FLNB: variants seen among roughly 807,000 people sequenced by gnomAD.
FLNB encodes the protein filamin B, also known as filamin-B.
A neutral mutation model predicts 250.6 loss-of-function variants in FLNB; 111 were observed. That is an observed-to-expected ratio of 0.44 (90% CI 0.38 to 0.52). FLNB has a LOEUF of 0.52. Among genes scored for constraint, FLNB ranks in the 20% least tolerant of loss-of-function variants. The pLI is 0.00. For synonymous variants in FLNB, 1,302 were observed against 1,372.1 expected (o/e 0.95, Z 1.13); for missense variants, 2,869 against 3,447.8 (o/e 0.83, Z 4.20).
At chr3:58,093,777 C>T (rs2097232658) in intron 4 of FLNB, among the ~76,000 whole-genome samples, 1 of 151,990 alleles carries the variant, frequency 6.6e-6, no homozygotes, top group Non-Finnish European at 1.5e-5. Flanking sequence ...GGAATATTAG[C>T]TACTCAGCAA....
At chr3:58,015,828 A>G (rs1034101752) in intron 1 of FLNB, among the ~76,000 whole-genome samples, 1 of 152,170 alleles carries the variant, frequency 6.6e-6, no homozygotes, top group Non-Finnish European at 1.5e-5. Context: ...TAGGCTGGGT[A>G]TGGGTAATCT....
rs1456390432 is a variant in FLNB at position 58,109,582 on chromosome 3, A to G, written c.2206A>G (p.Ile736Val). The G allele has an allele frequency of 6.2e-7, 1 of 1,614,226 alleles. No individual in the cohort carries two copies. ...NIPHSPYRVNIGQGSHPQKVK... is the reference protein window; with the variant it reads ...NIPHSPYRVNVGQGSHPQKVK... ...TTCTCCATGTCTTCTCTAGGTCAACATCGGGCAAGGTAGCCATCCTCAGAA... is the reference window on the plus strand; with the variant it reads ...TTCTCCATGTCTTCTCTAGGTCAACGTCGGGCAAGGTAGCCATCCTCAGAA... Residue 736 changes from isoleucine to valine, a missense_variant, in exon 15 of 46, where the codon ATC becomes GTC. This residue lies in a region of FLNB where 1,348 missense variants were observed against 1,466.7 expected (regional missense o/e 0.92). Coordinates refer to ENST00000295956, the MANE Select transcript of FLNB (RefSeq NM_001457.4).
rs1410932820 is a variant in FLNB, at chr3:58,109,600, C to T, written c.2224C>T (p.Pro742Ser). Reference sequence around the variant, plus strand: ...GGTCAACATCGGGCAAGGTAGCCATCCTCAGAAGGTCAAAGTGTTTGGGCC... The same window carrying T: ...GGTCAACATCGGGCAAGGTAGCCATTCTCAGAAGGTCAAAGTGTTTGGGCC... Reference protein sequence around the residue: ...YRVNIGQGSHPQKVKVFGPGV... With the variant: ...YRVNIGQGSHSQKVKVFGPGV... Residue 742 changes from proline to serine, a missense_variant, in exon 15 of 46, where the codon CCT becomes TCT. Physicochemically the swap from Pro to Ser is moderately conservative, Grantham distance 74 (BLOSUM62 -1). Around this residue, in one of 5 missense-constraint regions of FLNB, gnomAD observed 1,348 missense variants for 1,466.7 expected, o/e 0.92. Transcript: ENST00000295956. 1 of 1,614,192 alleles carries T rather than the reference C, an allele frequency of 6.2e-7. No homozygotes were observed. Among genetic ancestry groups the T allele is most frequent in the South Asian group, 1.1e-5 (1 of 91,078 alleles).
chr3:58,077,968 T>TA lies in FLNB; in HGVS notation c.541+684dup, dbSNP rs564501780. On this transcript the variant is annotated intron_variant, in intron 2 of 45. Coordinates refer to ENST00000295956, the MANE Select transcript of FLNB (RefSeq NM_001457.4). ...ACACACCCCCTAAAGTTGATTTTAATAAAAAAAAAAGGTATTAATCATATT... is the reference window on the plus strand; with the variant it reads ...ACACACCCCCTAAAGTTGATTTTAATAAAAAAAAAAAGGTATTAATCATATT... Among the ~76,000 whole-genome samples, 1,387 of 147,602 alleles carry TA rather than the reference T, an allele frequency of 9.4e-3. 12 individuals are homozygous for TA. The highest frequency in any genetic ancestry group is 0.015 in the Non-Finnish European group (989 of 66,444).
chr3:58,060,769 C>CAAAAAAAAAAAAAAAA (rs71091334), intron 1 of FLNB, among the ~76,000 whole-genome samples: 3 of 64,210 alleles, frequency 4.7e-5, no homozygotes, highest in East Asian at 4.8e-4. Flanking sequence ...GACCTTGTCT[C>CAAAAAAAAAAAAAAAA]AAAAAAAAAA....
chr3:58,018,558 C>T (rs1167941551), intron 1 of FLNB, among the ~76,000 whole-genome samples: 4 of 151,756 alleles, frequency 2.6e-5, no homozygotes, highest in Non-Finnish European at 4.4e-5. Context: ...CTCTGTCACC[C>T]AGGCTGGAGT....
chr3:58,152,999 A>G (rs774903431), intron 38 of FLNB: 19 of 349,908 alleles, frequency 5.4e-5, no homozygotes, highest in Non-Finnish European at 8.3e-5. Flanking sequence ...TGGGACTTAC[A>G]TATGTTCACC....
intron 11 of FLNB, among the ~76,000 whole-genome samples, chr3:58,106,352 CTATATATATATATA>C (rs10540627): frequency 7.5e-6 from 1 of 132,988 alleles, no homozygotes; most frequent in African/African-American, 2.7e-5. Flanking sequence ...GTATTTAATA[CTATATATATATATA>C]TATATATATA....
chr3:58,038,149 C>T (rs1481746824), intron 1 of FLNB, among the ~76,000 whole-genome samples: 1 of 152,056 alleles, frequency 6.6e-6, no homozygotes, highest in Non-Finnish European at 1.5e-5. Context: ...CCTGCCTCAG[C>T]CTCCCGAGTA....
intron 6 of FLNB, among the ~76,000 whole-genome samples, chr3:58,096,982 G>A (rs9834312): frequency 0.43 from 64,731 of 152,020 alleles, 15,323 homozygotes; most frequent in East Asian, 0.92. Flanking sequence ...TGTCTTGGCA[G>A]CCTTTCGAGT....
At chr3:58,166,758 G>A (rs1465504447) in intron 43 of FLNB, among the ~76,000 whole-genome samples, 9 of 152,052 alleles carry the variant, frequency 5.9e-5, no homozygotes, top group African/African-American at 2.2e-4. Flanking sequence ...GAAGATTGAC[G>A]CTGTGGTGAG....
chr3:58,145,437 G>A (rs1291309060), intron 32 of FLNB, among the ~76,000 whole-genome samples: 3 of 152,170 alleles, frequency 2.0e-5, no homozygotes, highest in Admixed American at 2.0e-4. Flanking sequence ...GTCTTTTCCT[G>A]ATGTGCACCC....
intron 26 of FLNB, 73 bp from the exon 27 acceptor site, chr3:58,134,543 T>C: frequency 6.4e-7 from 1 of 1,562,294 alleles, no homozygotes; most frequent in Non-Finnish European, 8.8e-7. Flanking sequence ...CTCTTATGTG[T>C]AAGAAAAGTC....
At chr3:58,048,315 A>T (rs963263521) in intron 1 of FLNB, among the ~76,000 whole-genome samples, 1 of 151,874 alleles carries the variant, frequency 6.6e-6, no homozygotes, top group Non-Finnish European at 1.5e-5. Context: ...TGTGCTTGGG[A>T]GGGTCTTGGT....
intron 1 of FLNB, among the ~76,000 whole-genome samples, chr3:58,023,607 G>T (rs765238498): frequency 2.8e-4 from 43 of 152,148 alleles, no homozygotes; most frequent in Non-Finnish European, 5.6e-4. Flanking sequence ...AGTGACTGTG[G>T]ACTGGAAATG....
chr3:58,011,211 C>A (rs1471248626), intron 1 of FLNB, among the ~76,000 whole-genome samples: 1 of 152,132 alleles, frequency 6.6e-6, no homozygotes, highest in Non-Finnish European at 1.5e-5. Context: ...CGCGCCCAGC[C>A]CGGTCCTCCT....
chr3:58,030,083 C>G (rs187074359), intron 1 of FLNB, among the ~76,000 whole-genome samples: 1 of 152,068 alleles, frequency 6.6e-6, no homozygotes, highest in African/African-American at 2.4e-5. Context: ...TGGTAGTAAG[C>G]GAGGCAAAGG....
intron 21 of FLNB, 83 bp from the exon 22 acceptor site, chr3:58,124,249 G>A (rs2097293956): frequency 1.4e-6 from 2 of 1,430,120 alleles, no homozygotes; most frequent in Admixed American, 3.4e-5. Flanking sequence ...CATGTGTCCT[G>A]AAGTGCCAAG....
intron 39 of FLNB, chr3:58,154,553 A>C (rs2097350419): frequency 2.1e-6 from 1 of 474,130 alleles, no homozygotes; most frequent in Non-Finnish European, 3.8e-6. Context: ...TCAAAAAAAA[A>C]AAAAAAAAGA....
Sources: gnomAD v4.1 joint callset for allele counts (sites outside exome capture counted in the v4.1 genomes callset) on GRCh38, gnomAD v4.1.1 for gene constraint, gnomAD v4.1.1 regional missense constraint, MANE v1.5 for transcripts, NCBI Gene and HGNC (gene_info 2026-07-23, HGNC 2026-07-21) for gene names.